The following ERICH3 variants were observed in gnomAD, a reference collection of about 807,000 sequenced individuals.
ERICH3 encodes the protein glutamate rich 3.
A neutral mutation model predicts 131.1 loss-of-function variants in ERICH3; 126 were observed. That is an observed-to-expected ratio of 0.96 (90% CI 0.83 to 1.11). The LOEUF is 1.11. ERICH3 is among the 50% of genes most tolerant of loss of function. The probability of loss-of-function intolerance (pLI) is 0.00; values close to 1 mark genes in which losing one functional copy is unlikely to be tolerated. For missense variants in ERICH3, 2,050 were observed against 1,810.7 expected (o/e 1.13, Z -2.40); for synonymous variants, 695 against 644.6 (o/e 1.08, Z -1.18).
At chr1:74,649,388 TCCCC>T in intron 1 of ERICH3, 73 bp from the exon 2 acceptor site, 3 of 1,165,972 alleles carry the variant, frequency 2.6e-6, no homozygotes, top group Non-Finnish European at 3.8e-6. Context: ...CTTTACTGTT[TCCCC>T]AAATAGTGCA....
chr1:74,591,570 T>A (rs1647607118), intron 11 of ERICH3, among the ~76,000 whole-genome samples: 1 of 152,108 alleles, frequency 6.6e-6, no homozygotes, highest in South Asian at 2.1e-4. Flanking sequence ...TGAACAAAGT[T>A]GGCAAGAGAT....
At chr1:74,642,388 G>C (rs1012807849) in intron 4 of ERICH3, among the ~76,000 whole-genome samples, 1 of 152,082 alleles carries the variant, frequency 6.6e-6, no homozygotes, top group African/African-American at 2.4e-5. Context: ...AGAACAACAT[G>C]TGATTACAAA....
chr1:74,640,982 A>G (rs1041575896), intron 5 of ERICH3, among the ~76,000 whole-genome samples: 1 of 152,128 alleles, frequency 6.6e-6, no homozygotes, highest in African/African-American at 2.4e-5. Context: ...TGGAATAGCT[A>G]ATTTGAGGTC....
intron 12 of ERICH3, among the ~76,000 whole-genome samples, chr1:74,581,384 T>C (rs1647178652): frequency 6.6e-6 from 1 of 152,142 alleles, no homozygotes; most frequent in Admixed American, 6.6e-5. Flanking sequence ...GTTGTTGTTG[T>C]TATAGTGTGA....
intron 9 of ERICH3, among the ~76,000 whole-genome samples, chr1:74,611,120 C>G (rs1213760918): frequency 2.6e-5 from 4 of 151,930 alleles, no homozygotes; most frequent in African/African-American, 7.3e-5. Flanking sequence ...CAGCCTGGAC[C>G]TCTCACCTCA....
chr1:74,590,981 T>A (rs967173743), intron 11 of ERICH3, among the ~76,000 whole-genome samples: 6 of 152,162 alleles, frequency 3.9e-5, no homozygotes, highest in East Asian at 1.9e-4. Flanking sequence ...TTTAAAAAAA[T>A]TTATTTCATT....
At chr1:74,598,959 T>C (rs1647987694) in intron 11 of ERICH3, among the ~76,000 whole-genome samples, 1 of 151,956 alleles carries the variant, frequency 6.6e-6, no homozygotes, top group African/African-American at 2.4e-5. Context: ...TTCATATTGC[T>C]ATTAGCAATA....
chr1:74,672,513 G>T (rs779803653), intron 1 of ERICH3, among the ~76,000 whole-genome samples: 4 of 152,080 alleles, frequency 2.6e-5, no homozygotes, highest in Non-Finnish European at 5.9e-5. Flanking sequence ...TGAAGTTTGG[G>T]TATAAGTTCC....
intron 1 of ERICH3, among the ~76,000 whole-genome samples, chr1:74,666,102 A>G (rs1422479188): frequency 6.6e-6 from 1 of 152,192 alleles, no homozygotes; most frequent in Non-Finnish European, 1.5e-5. Flanking sequence ...ACATTCATGT[A>G]GATAGCTCAG....
rs569398687 is a variant in ERICH3 at position 74,569,997 on chromosome 1, C to T, written c.*461G>A. Reference sequence around the variant, plus strand: ...TTTTCACAGGCCAATTCATTAAAGCCCCAAACCACAGATTTTTAAATAAAA... The same window carrying T: ...TTTTCACAGGCCAATTCATTAAAGCTCCAAACCACAGATTTTTAAATAAAA... On this transcript the variant is annotated 3_prime_UTR_variant, in exon 15 of 15. Transcript: ENST00000326665. The T allele has an allele frequency of 6.6e-6, 1 of 152,150 alleles. No individual in the cohort carries two copies. Among genetic ancestry groups the T allele is most frequent in the South Asian group, 2.1e-4 (1 of 4,806 alleles). The allele number at this position is 152,150 out of a possible 1,614,324, so 9.4% of individuals were successfully genotyped here.
At chr1:74,663,602 G>A (rs1646662108) in intron 1 of ERICH3, among the ~76,000 whole-genome samples, 1 of 147,198 alleles carries the variant, frequency 6.8e-6, no homozygotes, top group Non-Finnish European at 1.5e-5. Flanking sequence ...TCTAAAAATG[G>A]TGTCCTTCCT....
chr1:74,660,405 T>C (rs1340422511), intron 1 of ERICH3, among the ~76,000 whole-genome samples: 1 of 151,720 alleles, frequency 6.6e-6, no homozygotes, highest in Non-Finnish European at 1.5e-5. Context: ...ATAAAGGCAG[T>C]TACCATTGTG....
intron 1 of ERICH3, among the ~76,000 whole-genome samples, chr1:74,672,378 A>T (rs1278787460): frequency 6.6e-6 from 1 of 152,246 alleles, no homozygotes; most frequent in East Asian, 1.9e-4. Flanking sequence ...ATGTAATCAT[A>T]GCTATATCAC....
At chr1:74,580,985 A>G (rs1483193625) in intron 12 of ERICH3, among the ~76,000 whole-genome samples, 1 of 152,152 alleles carries the variant, frequency 6.6e-6, no homozygotes, top group African/African-American at 2.4e-5. Flanking sequence ...TACAAACATA[A>G]ATGTTTTGTC....
chr1:74,578,201 G>T (rs891741192), intron 12 of ERICH3: 1 of 153,458 alleles, frequency 6.5e-6, no homozygotes, highest in Admixed American at 6.5e-5. Context: ...GTTCTTGAGA[G>T]GATTAAATGA....
chr1:74,578,340 C>G (rs1238920119), intron 12 of ERICH3: 1 of 168,166 alleles, frequency 5.9e-6, no homozygotes, highest in Non-Finnish European at 1.3e-5. Context: ...AGTGTCATCA[C>G]CCAGTGTGGT....
At chr1:74,634,044 A>G (rs1646365402) in intron 6 of ERICH3, among the ~76,000 whole-genome samples, 1 of 152,096 alleles carries the variant, frequency 6.6e-6, no homozygotes, top group South Asian at 2.1e-4. Flanking sequence ...TTGTACCTTC[A>G]AGTACTTTCA....
chr1:74,627,206 CAT>C (rs761651727), intron 7 of ERICH3, among the ~76,000 whole-genome samples: 57 of 152,078 alleles, frequency 3.7e-4, no homozygotes, highest in Non-Finnish European at 6.0e-4. Flanking sequence ...AGCATGAAAT[CAT>C]GTGTGAAGAT....
chr1:74,579,947 T>A (rs1229459750), intron 12 of ERICH3: 1 of 912,466 alleles, frequency 1.1e-6, no homozygotes, highest in Non-Finnish European at 1.3e-6. Flanking sequence ...ATAATGATAC[T>A]TTAAGGTATT....
Sources: gnomAD v4.1 joint callset for allele counts (sites outside exome capture counted in the v4.1 genomes callset) on GRCh38, gnomAD v4.1.1 for gene constraint, MANE v1.5 for transcripts, NCBI Gene and HGNC (gene_info 2026-07-23, HGNC 2026-07-21) for gene names.